Variants in RASA3 observed in about 807,000 individuals in gnomAD.
RASA3 encodes the protein ras GTPase-activating protein 3.
In RASA3, 73 loss-of-function variants were observed where a neutral mutation model predicts 110.0. The ratio of observed to expected loss-of-function variants is 0.66; its 90% CI spans 0.55 to 0.81. The LOEUF (loss-of-function observed/expected upper bound fraction) is 0.81, where lower values mean the gene tolerates loss of function less well. RASA3 is among the 30% of genes least tolerant of loss of function. RASA3 has a pLI of 0.00. For missense variants in RASA3, 976 were observed against 1,113.2 expected (o/e 0.88, Z 1.75); for synonymous variants, 500 against 451.4 (o/e 1.11, Z -1.37).
chr13:114,064,880 T>G (rs13378819), intron 2 of RASA3, among the ~76,000 whole-genome samples: 2 of 152,222 alleles, frequency 1.3e-5, no homozygotes, highest in Non-Finnish European at 2.9e-5. Flanking sequence ...AAAGAAAAAG[T>G]GCGGCCTGAG....
chr13:114,028,678 C>T (rs1429340570), intron 5 of RASA3, among the ~76,000 whole-genome samples: 1 of 124,088 alleles, frequency 8.1e-6, no homozygotes, highest in African/African-American at 3.1e-5. Flanking sequence ...AAAACAGTGT[C>T]ATCCTGGGGC....
At chr13:114,069,528 G>T (rs1173008605) in intron 2 of RASA3, among the ~76,000 whole-genome samples, 4 of 76,770 alleles carry the variant, frequency 5.2e-5, no homozygotes, top group African/African-American at 5.5e-5. Flanking sequence ...AGACACAGGG[G>T]CCAGGAGACT....
At chr13:114,067,773 C>T (rs1280178870) in intron 2 of RASA3, among the ~76,000 whole-genome samples, 1 of 152,154 alleles carries the variant, frequency 6.6e-6, no homozygotes, top group East Asian at 1.9e-4. Context: ...CCCCTCAGGG[C>T]TGCCAAGTGA....
chr13:114,052,770 G>T (rs1363071753), intron 2 of RASA3, among the ~76,000 whole-genome samples: 1 of 145,430 alleles, frequency 6.9e-6, no homozygotes, highest in Non-Finnish European at 1.5e-5. Flanking sequence ...CCTGGCTCCT[G>T]GGGGAGAGAC....
rs2052828688 is a variant in RASA3, at chr13:113,978,450, CAA to C, written c.*895_*896del. 1 of 152,168 alleles carries C rather than the reference CAA, an allele frequency of 6.6e-6. No individual in the cohort carries two copies. Among genetic ancestry groups the C allele is most frequent in the South Asian group, 2.1e-4 (1 of 4,832 alleles). 9.4% of individuals were successfully genotyped at this position (152,168 alleles called of 1,614,324 possible). A position where few individuals can be genotyped will look rare whatever the true frequency, so the allele number is the denominator to read the frequency against. On this transcript the variant is annotated 3_prime_UTR_variant, in exon 24 of 24. Coordinates refer to ENST00000334062, the MANE Select transcript of RASA3 (RefSeq NM_007368.4). ...TTTGACGTTCTGAGTTACTTTGTAT[CAA>C]AGAGCTAATTAAAAATGGTCCTTCA...
chr13:113,995,804 GGGGGTCCGGCTGAC>G (rs2053231538), intron 21 of RASA3, among the ~76,000 whole-genome samples: 3 of 46,880 alleles, frequency 6.4e-5, no homozygotes, highest in Admixed American at 1.7e-4. Flanking sequence ...TCCGGCTGAT[GGGGGTCCGGCTGAC>G]GGGGGGCCCG....
rs992254750 is a variant in RASA3 at position 114,048,561 on chromosome 13, T to A, written c.277+3491A>T. Reference sequence around the variant, plus strand: ...CTCGCGCATTTCCGTGGTTCCCGCATCCCAGCTGCGGGGAGCCATAGTTTC... The same window carrying A: ...CTCGCGCATTTCCGTGGTTCCCGCAACCCAGCTGCGGGGAGCCATAGTTTC... On this transcript the variant is annotated intron_variant, in intron 3 of 23. Coordinates refer to ENST00000334062, the MANE Select transcript of RASA3 (RefSeq NM_007368.4). This position sits in a 1 kb window ranked among gnomAD's most constrained non-coding sequence, Gnocchi z 4.3. 1.3e-5 allele frequency among the ~76,000 whole-genome samples: 2 copies of A among 152,160 alleles called. No homozygotes were observed. Among genetic ancestry groups the A allele is most frequent in the Non-Finnish European group, 2.9e-5 (2 of 68,024 alleles).
At chr13:114,083,048 A>G (rs2079807695) in intron 1 of RASA3, among the ~76,000 whole-genome samples, 1 of 152,242 alleles carries the variant, frequency 6.6e-6, no homozygotes, top group Non-Finnish European at 1.5e-5. Flanking sequence ...ACTGAGTGTG[A>G]TATGTGTCGA....
At chr13:114,104,731 C>T (rs1465863716) in intron 1 of RASA3, among the ~76,000 whole-genome samples, 1 of 152,184 alleles carries the variant, frequency 6.6e-6, no homozygotes, top group Non-Finnish European at 1.5e-5. Context: ...TTATTTACGA[C>T]TCAGGACAAG....
chr13:114,095,779 T>C (rs1201935761), intron 1 of RASA3, among the ~76,000 whole-genome samples: 1 of 152,162 alleles, frequency 6.6e-6, no homozygotes, highest in African/African-American at 2.4e-5. Context: ...AGTTTCCCCA[T>C]CTGTAAGCTG....
chr13:114,110,460 C>T (rs2080201487), intron 1 of RASA3, among the ~76,000 whole-genome samples: 1 of 152,242 alleles, frequency 6.6e-6, no homozygotes, highest in Non-Finnish European at 1.5e-5. Flanking sequence ...TGGACGGCAC[C>T]GTGCCTGCGG....
chr13:114,117,562 A>C (rs539254937), intron 1 of RASA3, among the ~76,000 whole-genome samples: 1 of 133,932 alleles, frequency 7.5e-6, no homozygotes, highest in South Asian at 2.5e-4. Flanking sequence ...CACGTGTGTG[A>C]GGGGTGCATG....
chr13:114,109,992 C>T (rs2080195287), intron 1 of RASA3, among the ~76,000 whole-genome samples: 2 of 152,250 alleles, frequency 1.3e-5, no homozygotes, highest in Admixed American at 6.5e-5. Flanking sequence ...CTCAGGGCAA[C>T]GAGCGTCTGG....
intron 1 of RASA3, among the ~76,000 whole-genome samples, chr13:114,105,712 G>T (rs2080124562): frequency 6.6e-6 from 1 of 152,232 alleles, no homozygotes; most frequent in Non-Finnish European, 1.5e-5. Flanking sequence ...ACAGAAACCA[G>T]GCCAGGCTCT....
intron 1 of RASA3, among the ~76,000 whole-genome samples, chr13:114,110,468 CG>C (rs1027434543): frequency 6.6e-6 from 1 of 152,234 alleles, no homozygotes; most frequent in African/African-American, 2.4e-5. Flanking sequence ...ACCGTGCCTG[CG>C]GCTGCTTCCC....
chr13:114,131,179 C>T (rs1594490053), intron 1 of RASA3, among the ~76,000 whole-genome samples: 1 of 152,196 alleles, frequency 6.6e-6, no homozygotes, highest in East Asian at 1.9e-4. Flanking sequence ...AGGAAACAGC[C>T]CGCTGGTTTA....
chr13:114,069,208 C>T (rs1215409913), intron 2 of RASA3, among the ~76,000 whole-genome samples: 1 of 151,888 alleles, frequency 6.6e-6, no homozygotes, highest in Admixed American at 6.6e-5. Flanking sequence ...AGTCAGACGG[C>T]GATATTGGGC....
intron 7 of RASA3, among the ~76,000 whole-genome samples, chr13:114,026,982 C>G (rs1039929101): frequency 2.0e-5 from 3 of 152,244 alleles, no homozygotes; most frequent in African/African-American, 7.2e-5. Context: ...CTGGAACAAG[C>G]CTTCCGCCTC....
intron 16 of RASA3, among the ~76,000 whole-genome samples, chr13:114,010,796 G>A (rs2053620026): frequency 1.3e-5 from 2 of 151,868 alleles, no homozygotes; most frequent in African/African-American, 2.4e-5. Flanking sequence ...GGGAGGAGGG[G>A]GCCGCGAGGG....
Sources: gnomAD v4.1 joint callset for allele counts (sites outside exome capture counted in the v4.1 genomes callset) on GRCh38, gnomAD v4.1.1 for gene constraint, Gnocchi (gnomAD v3.1) non-coding constraint, MANE v1.5 for transcripts, NCBI Gene and HGNC (gene_info 2026-07-23, HGNC 2026-07-21) for gene names.